RBPMS2: variants seen among roughly 807,000 people sequenced by gnomAD.
RBPMS2 encodes the protein RNA-binding protein with multiple splicing 2.
Under a neutral mutation model 25.7 loss-of-function variants are expected in RBPMS2, and 14 were observed. The observed-to-expected ratio is 0.55, with a 90% CI of 0.36 to 0.85. The LOEUF (loss-of-function observed/expected upper bound fraction) is 0.85. Among genes scored for constraint, RBPMS2 ranks in the 40% least tolerant of loss-of-function variants. RBPMS2 has a pLI of 0.01. For synonymous variants in RBPMS2, 127 were observed against 115.6 expected, an observed-to-expected ratio of 1.10 and a Z score of -0.63; for missense variants, 252 against 283.4, an observed-to-expected ratio of 0.89 and a Z score of 0.80.
At chr15:64,748,002 TAA>T (rs67234466) in intron 6 of RBPMS2, among the ~76,000 whole-genome samples, 36 of 149,700 alleles carry the variant, frequency 2.4e-4, no homozygotes, top group Admixed American at 3.3e-4. Context: ...TTCAGATGAC[TAA>T]AAAAAAAAAA....
At chr15:64,746,610 C>G (rs1278311696) in intron 6 of RBPMS2, among the ~76,000 whole-genome samples, 1 of 152,162 alleles carries the variant, frequency 6.6e-6, no homozygotes, top group Non-Finnish European at 1.5e-5. Context: ...GGAAGGAAGC[C>G]AACAGGAGGA....
intron 1 of RBPMS2, among the ~76,000 whole-genome samples, chr15:64,752,825 T>G (rs2083695460): frequency 6.6e-6 from 1 of 152,150 alleles, no homozygotes; most frequent in Non-Finnish European, 1.5e-5. Context: ...TTGGTCACGC[T>G]GGTCTCGAAC....
intron 1 of RBPMS2, among the ~76,000 whole-genome samples, chr15:64,753,827 T>C (rs1050363910): frequency 6.6e-6 from 1 of 152,112 alleles, no homozygotes; most frequent in East Asian, 1.9e-4. Context: ...TGCTTTGTTG[T>C]TGGCAGCATC....
intron 1 of RBPMS2, among the ~76,000 whole-genome samples, chr15:64,752,222 T>A (rs1173970266): frequency 6.6e-6 from 1 of 152,058 alleles, no homozygotes; most frequent in African/African-American, 2.4e-5. Flanking sequence ...TAAAAATGTA[T>A]CTATTTTTTT....
Position 64,749,496 on chromosome 15 carries a change from A to G in RBPMS2, c.205-3T>C. On this transcript the variant is annotated splice_polypyrimidine_tract_variant and splice_region_variant and intron_variant, in intron 3 of 7. Coordinates refer to ENST00000300069, the MANE Select transcript of RBPMS2 (RefSeq NM_194272.3). ...TCAAAGATCACAAAACCAACAGGCT[A>G]GTAGGAAAAAGAGAGAACACCCTTA... 3.1e-6 allele frequency: 5 copies of G among 1,611,220 alleles called. No individual in the cohort carries two copies. The highest frequency in any genetic ancestry group is 2.2e-5 in the East Asian group (1 of 44,884).
chr15:64,769,105 A>G (rs2083872716), intron 1 of RBPMS2, among the ~76,000 whole-genome samples: 1 of 148,912 alleles, frequency 6.7e-6, no homozygotes, highest in African/African-American at 2.5e-5. Flanking sequence ...CGTCTCAAAA[A>G]AAAAAAAAAA....
chr15:64,756,094 T>A (rs2083729288), intron 1 of RBPMS2, among the ~76,000 whole-genome samples: 1 of 151,962 alleles, frequency 6.6e-6, no homozygotes, highest in Non-Finnish European at 1.5e-5. Flanking sequence ...CATTTCCATC[T>A]CCCAATGTCC....
At chr15:64,742,760 A>G (rs969260831) in intron 6 of RBPMS2, among the ~76,000 whole-genome samples, 10 of 152,190 alleles carry the variant, frequency 6.6e-5, no homozygotes, top group Non-Finnish European at 1.5e-4. Flanking sequence ...AAGGAGTAGA[A>G]GCTGGGCCTG....
At chr15:64,774,294 C>T (rs1433235292) in intron 1 of RBPMS2, among the ~76,000 whole-genome samples, 1 of 152,228 alleles carries the variant, frequency 6.6e-6, no homozygotes, top group Non-Finnish European at 1.5e-5. Context: ...TAGAATGACG[C>T]AGCAGAGGCC....
chr15:64,749,337 T>C (rs1409300434), intron 4 of RBPMS2, 94 bp downstream of exon 4: 3 of 1,366,566 alleles, frequency 2.2e-6, no homozygotes, highest in East Asian at 4.6e-5. Context: ...CGCCAAGGAC[T>C]CTGCCCAGGG....
intron 1 of RBPMS2, among the ~76,000 whole-genome samples, chr15:64,768,611 C>A (rs2083867084): frequency 6.6e-6 from 1 of 151,742 alleles, no homozygotes; most frequent in African/African-American, 2.4e-5. Context: ...GCACTCTAGC[C>A]TGGGCAACAA....
chr15:64,741,344 G>A lies in RBPMS2; in HGVS notation c.568-102C>T, dbSNP rs1294745107. Reference sequence around the variant, plus strand: ...GTGTCCCCGCTGGAGTCCTGGTTCTGTCACTGATTGGCTGGCACATTTTGG... The same window carrying A: ...GTGTCCCCGCTGGAGTCCTGGTTCTATCACTGATTGGCTGGCACATTTTGG... On this transcript the variant is annotated intron_variant, in intron 6 of 7. Transcript: ENST00000300069. 5 of 882,106 alleles carry A rather than the reference G, an allele frequency of 5.7e-6. No homozygotes were observed. The Admixed American group carries it at 1.1e-4, about 19-fold the overall frequency. 54.6% of individuals were successfully genotyped at this position (882,106 alleles called of 1,614,324 possible).
intron 1 of RBPMS2, chr15:64,762,356 G>A (rs768332959): frequency 1.6e-5 from 6 of 380,748 alleles, no homozygotes; most frequent in Non-Finnish European, 3.1e-5. Context: ...GGGAGGTTGG[G>A]GATGGGTGCT....
chr15:64,744,108 A>C (rs541028082), intron 6 of RBPMS2, among the ~76,000 whole-genome samples: 70 of 152,164 alleles, frequency 4.6e-4, no homozygotes, highest in African/African-American at 1.6e-3. Flanking sequence ...ACTCTGTCTC[A>C]AAAAAATAAA....
At chr15:64,755,974 T>C (rs895185800) in intron 1 of RBPMS2, among the ~76,000 whole-genome samples, 1 of 152,126 alleles carries the variant, frequency 6.6e-6, no homozygotes, top group Non-Finnish European at 1.5e-5. Flanking sequence ...TTCCTTCCTC[T>C]GAAGCCCCAC....
At chr15:64,747,316 C>T (rs2083626448) in intron 6 of RBPMS2, among the ~76,000 whole-genome samples, 1 of 152,184 alleles carries the variant, frequency 6.6e-6, no homozygotes, top group Non-Finnish European at 1.5e-5. Flanking sequence ...GACGTACACA[C>T]AGCTCTCGGG....
chr15:64,751,740 G>C (rs1435751817), intron 1 of RBPMS2, 102 bp from the exon 2 acceptor site: 1 of 919,980 alleles, frequency 1.1e-6, no homozygotes, highest in East Asian at 2.5e-5. Flanking sequence ...CTAGAGCTTA[G>C]AGGAATTCAG....
At chr15:64,746,026 CATTT>C (rs1471921220) in intron 6 of RBPMS2, among the ~76,000 whole-genome samples, 1 of 152,138 alleles carries the variant, frequency 6.6e-6, no homozygotes, top group Non-Finnish European at 1.5e-5. Flanking sequence ...GTCCATACTT[CATTT>C]AGACACTTTT....
intron 1 of RBPMS2, among the ~76,000 whole-genome samples, chr15:64,774,587 C>G (rs997554807): frequency 4.6e-5 from 7 of 151,028 alleles, no homozygotes; most frequent in Non-Finnish European, 1.0e-4. Flanking sequence ...CAGGACAAAC[C>G]CAGAGAGAGG....
Sources: gnomAD v4.1 joint callset for allele counts (sites outside exome capture counted in the v4.1 genomes callset) on GRCh38, gnomAD v4.1.1 for gene constraint, MANE v1.5 for transcripts, NCBI Gene and HGNC (gene_info 2026-07-23, HGNC 2026-07-21) for gene names.